The following RBKS variants were observed in gnomAD, a reference collection of about 807,000 sequenced individuals.
RBKS encodes ribokinase.
RBKS carries 33 observed loss-of-function variants against 33.9 expected under a neutral mutation model. The ratio of observed to expected loss-of-function variants is 0.97; its 90% CI spans 0.74 to 1.30. The LOEUF is 1.30. RBKS is among the 50% of genes most tolerant of loss of function. The probability of loss-of-function intolerance (pLI) is 0.00; values close to 1 mark genes in which losing one functional copy is unlikely to be tolerated. For synonymous variants in RBKS, 125 were observed against 143.0 expected (o/e 0.87, Z 0.90); for missense variants, 361 against 392.6 (o/e 0.92, Z 0.68).
chr2:27,840,866 C>T (rs1031334689), intron 5 of RBKS, among the ~76,000 whole-genome samples: 1 of 152,126 alleles, frequency 6.6e-6, no homozygotes, highest in African/African-American at 2.4e-5. Context: ...TCTGAGAGAA[C>T]AATGCCTGCC....
At chr2:27,826,432 C>T (rs1383025343) in intron 7 of RBKS, among the ~76,000 whole-genome samples, 11 of 146,330 alleles carry the variant, frequency 7.5e-5, no homozygotes, top group African/African-American at 2.3e-4. Context: ...TTTTTTGAGA[C>T]GGACTCTCGC....
chr2:27,789,608 A>C (rs984815077), intron 7 of RBKS, among the ~76,000 whole-genome samples: 5 of 151,822 alleles, frequency 3.3e-5, no homozygotes, highest in African/African-American at 1.2e-4. Context: ...TCTGTAGCCC[A>C]GTTTGGAGTG....
chr2:27,786,168 A>G (rs187889388), intron 7 of RBKS, among the ~76,000 whole-genome samples: 7 of 152,340 alleles, frequency 4.6e-5, no homozygotes, highest in Non-Finnish European at 1.0e-4. Context: ...GAATATAGAG[A>G]AAAATGAAGG....
intron 1 of RBKS, among the ~76,000 whole-genome samples, chr2:27,883,401 G>C (rs561120533): frequency 2.0e-5 from 3 of 152,062 alleles, no homozygotes; most frequent in East Asian, 3.9e-4. Context: ...GGGTTTCACC[G>C]TATTAGCCAG....
chr2:27,823,592 G>A (rs1395520071), intron 7 of RBKS, among the ~76,000 whole-genome samples: 1 of 152,152 alleles, frequency 6.6e-6, no homozygotes, highest in Non-Finnish European at 1.5e-5. Flanking sequence ...CACTCGCCAC[G>A]TGAATTACCT....
At position 27,810,365 on chromosome 2, in the gene RBKS, G is replaced by A. The variant is rs1412796240; in HGVS notation, c.795+17202C>T. The stretch of plus-strand genomic sequence containing the variant: ...TACTTTAAATGAAGGATTGATTTCT[G>A]CTCCAAATGCTTGCCTGTTACACAG... On this transcript the variant is annotated intron_variant, in intron 7 of 7. Transcript: ENST00000302188. This position sits in a 1 kb window ranked among gnomAD's most constrained non-coding sequence, Gnocchi z 4.4. Among the ~76,000 whole-genome samples, 2 of 152,112 alleles carry A rather than the reference G, an allele frequency of 1.3e-5. No individual in the cohort carries two copies. Among genetic ancestry groups the A allele is most frequent in the African/African-American group, 4.8e-5 (2 of 41,408 alleles).
intron 7 of RBKS, among the ~76,000 whole-genome samples, chr2:27,783,502 C>T (rs376539006): frequency 2.6e-5 from 4 of 152,198 alleles, no homozygotes; most frequent in East Asian, 1.9e-4. Context: ...AAACAGAAAA[C>T]GTCCTGAGAA....
At chr2:27,821,170 A>G (rs1441016344) in intron 7 of RBKS, among the ~76,000 whole-genome samples, 4 of 152,136 alleles carry the variant, frequency 2.6e-5, no homozygotes, top group African/African-American at 9.7e-5. Context: ...TTGGACTTAA[A>G]CATTCTCAAA....
At chr2:27,808,313 C>T (rs959820293) in intron 7 of RBKS, among the ~76,000 whole-genome samples, 1 of 152,184 alleles carries the variant, frequency 6.6e-6, no homozygotes, top group Non-Finnish European at 1.5e-5. Flanking sequence ...TAACTTTCAT[C>T]CCAGAACTGC....
chr2:27,870,499 T>C (rs1018783164), intron 1 of RBKS: 3 of 209,604 alleles, frequency 1.4e-5, no homozygotes, highest in Non-Finnish European at 3.0e-5. Flanking sequence ...ATCTCACTTG[T>C]GTGTGTGAGA....
At chr2:27,854,193 C>T (rs1250310862) in intron 2 of RBKS, among the ~76,000 whole-genome samples, 1 of 152,196 alleles carries the variant, frequency 6.6e-6, no homozygotes, top group Non-Finnish European at 1.5e-5. Flanking sequence ...ATACAAACTA[C>T]AAGGCCTAAT....
At chr2:27,788,853 T>G (rs1180130489) in intron 7 of RBKS, among the ~76,000 whole-genome samples, 1 of 152,112 alleles carries the variant, frequency 6.6e-6, no homozygotes, top group Admixed American at 6.6e-5. Flanking sequence ...AAAGAAAAAT[T>G]AAAGAAAAAC....
chr2:27,812,069 T>C (rs1677995947), intron 7 of RBKS, among the ~76,000 whole-genome samples: 1 of 152,212 alleles, frequency 6.6e-6, no homozygotes, highest in Non-Finnish European at 1.5e-5. Context: ...GATGGGGCTG[T>C]TTTTTTCTTG....
At chr2:27,786,042 A>G (rs72808092) in intron 7 of RBKS, among the ~76,000 whole-genome samples, 44 of 152,330 alleles carry the variant, frequency 2.9e-4, no homozygotes, top group Non-Finnish European at 5.0e-4. Context: ...AGAAATGTCC[A>G]TTAGTTAAGT....
intron 1 of RBKS, among the ~76,000 whole-genome samples, chr2:27,879,461 G>T (rs997091390): frequency 6.6e-6 from 1 of 151,988 alleles, no homozygotes; most frequent in Non-Finnish European, 1.5e-5. Context: ...TGTTATCAAG[G>T]GAGTGAGTTC....
chr2:27,849,344 C>T (rs1186178187), intron 2 of RBKS, among the ~76,000 whole-genome samples: 1 of 151,922 alleles, frequency 6.6e-6, no homozygotes, highest in African/African-American at 2.4e-5. Context: ...GGATGGATCA[C>T]CTGAGGTCAG....
In RBKS at chr2:27,888,686, A is replaced by G. The variant is rs143007660; in HGVS notation, c.89+1571T>C. ...TCAATTGCTATATTGTGTTGTAAAC[A>G]CAGTAATGTTCTTTCTACACAGATG... On this transcript the variant is annotated intron_variant, in intron 1 of 7. Transcript: ENST00000302188. Among the ~76,000 whole-genome samples the G allele has an allele frequency of 6.3e-3, 963 of 152,328 alleles. 6 individuals carry two copies. The highest frequency in any genetic ancestry group is 7.9e-3 in the Non-Finnish European group (535 of 68,032).
intron 4 of RBKS, among the ~76,000 whole-genome samples, chr2:27,844,455 C>T (rs546902888): frequency 3.3e-5 from 5 of 152,154 alleles, no homozygotes; most frequent in South Asian, 2.1e-4. Flanking sequence ...TGCAGTCGTG[C>T]GATCTTGGCT....
chr2:27,805,720 G>A (rs182603668), intron 7 of RBKS, among the ~76,000 whole-genome samples: 22 of 151,730 alleles, frequency 1.4e-4, no homozygotes, highest in African/African-American at 4.4e-4. Context: ...GATTACAAGC[G>A]TGCACCACCA....
Sources: gnomAD v4.1 joint callset for allele counts (sites outside exome capture counted in the v4.1 genomes callset) on GRCh38, gnomAD v4.1.1 for gene constraint, Gnocchi (gnomAD v3.1) non-coding constraint, MANE v1.5 for transcripts, NCBI Gene and HGNC (gene_info 2026-07-23, HGNC 2026-07-21) for gene names.